Variants in NPAS3 observed in about 807,000 individuals in gnomAD.
NPAS3 encodes neuronal PAS domain protein 3.
A neutral mutation model predicts 73.1 loss-of-function variants in NPAS3; 14 were observed. The observed-to-expected ratio is 0.19, with a 90% confidence interval of 0.13 to 0.30. NPAS3 has a LOEUF of 0.30. Ranked by LOEUF, NPAS3 falls within the 10% of genes least tolerant of loss-of-function variation. The pLI, the probability that NPAS3 is intolerant of heterozygous loss-of-function variation, is 1.00. For missense variants in NPAS3, 1,096 were observed against 1,250.0 expected, an observed-to-expected ratio of 0.88 and a Z score of 1.86; for synonymous variants, 620 against 541.5, an observed-to-expected ratio of 1.14 and a Z score of -2.01.
At chr14:33,609,970 C>A (rs1237020894) in intron 5 of NPAS3, among the ~76,000 whole-genome samples, 1 of 151,876 alleles carries the variant, frequency 6.6e-6, no homozygotes, top group Non-Finnish European at 1.5e-5. Flanking sequence ...TGTAGTGTTA[C>A]CTAAAGAGAA....
intron 3 of NPAS3, among the ~76,000 whole-genome samples, chr14:33,239,704 T>C (rs2048156255): frequency 6.6e-6 from 1 of 151,920 alleles, no homozygotes; most frequent in Non-Finnish European, 1.5e-5. Context: ...ATAAACATTA[T>C]AGCTGCATTT....
intron 2 of NPAS3, among the ~76,000 whole-genome samples, chr14:33,103,961 A>G (rs2042649445): frequency 6.6e-6 from 1 of 152,156 alleles, no homozygotes. Context: ...GAAAAATACA[A>G]CTTCCAGAAT....
At chr14:33,573,021 C>CA (rs1172844613) in intron 5 of NPAS3, among the ~76,000 whole-genome samples, 3,169 of 60,922 alleles carry the variant, frequency 0.052, 205 homozygotes, top group East Asian at 0.24. Flanking sequence ...GACTTCTTCT[C>CA]AAAAAAAAAA....
chr14:33,619,387 A>C (rs977610418), intron 5 of NPAS3, among the ~76,000 whole-genome samples: 1 of 152,144 alleles, frequency 6.6e-6, no homozygotes, highest in African/African-American at 2.4e-5. Context: ...AGGTTAGCCC[A>C]TTATTGCTTG....
chr14:33,488,233 A>G (rs2051708816), intron 4 of NPAS3, among the ~76,000 whole-genome samples: 1 of 152,046 alleles, frequency 6.6e-6, no homozygotes, highest in Non-Finnish European at 1.5e-5. Context: ...AAGAGATGCT[A>G]GAGGTTTTAG....
At chr14:33,083,350 C>G (rs868369126) in intron 2 of NPAS3, among the ~76,000 whole-genome samples, 5 of 152,064 alleles carry the variant, frequency 3.3e-5, no homozygotes, top group Middle Eastern at 6.8e-3. Context: ...TCCAACTGGA[C>G]CTTATTATGA....
rs540458763 is a variant in NPAS3 at position 33,410,952 on chromosome 14, T to C, written c.468+43684T>C. Among the ~76,000 whole-genome samples the C allele has an allele frequency of 3.3e-5, 5 of 152,086 alleles. No homozygotes were observed. The South Asian group carries it at 8.3e-4, about 25-fold the overall frequency. The stretch of plus-strand genomic sequence containing the variant: ...TGAGCCACCGCATCCAGCTGAATAG[T>C]TGGTATTTTTATTCTAACTCTGCTC... On this transcript the variant is annotated intron_variant, in intron 4 of 11. Transcript: ENST00000356141.
chr14:33,538,880 CA>C (rs1396850837), intron 4 of NPAS3, among the ~76,000 whole-genome samples: 1 of 152,216 alleles, frequency 6.6e-6, no homozygotes, highest in Admixed American at 6.5e-5. Context: ...CCACCCCCAA[CA>C]TTCTATAATT....
chr14:33,104,673 G>T (rs2042670142), intron 2 of NPAS3, among the ~76,000 whole-genome samples: 1 of 152,162 alleles, frequency 6.6e-6, no homozygotes. Flanking sequence ...TTTTGTTTCT[G>T]AGAGGAAGCA....
At chr14:33,313,810 G>A (rs753812359) in intron 3 of NPAS3, among the ~76,000 whole-genome samples, 2 of 151,972 alleles carry the variant, frequency 1.3e-5, no homozygotes, top group Admixed American at 6.6e-5. Flanking sequence ...TTGGGATTTC[G>A]AAAATAGCAA....
At chr14:33,530,533 AT>A (rs1458662723) in intron 4 of NPAS3, among the ~76,000 whole-genome samples, 1 of 152,064 alleles carries the variant, frequency 6.6e-6, no homozygotes, top group Non-Finnish European at 1.5e-5. Context: ...TGTATTTCAA[AT>A]TTGCAAGTTG....
At chr14:33,212,078 T>A (rs1258648691) in intron 2 of NPAS3, among the ~76,000 whole-genome samples, 2 of 152,236 alleles carry the variant, frequency 1.3e-5, no homozygotes, top group South Asian at 4.1e-4. Context: ...GGTTTTAATA[T>A]AGTTCTTAAT....
At chr14:33,226,659 C>T (rs1382396586) in intron 3 of NPAS3, among the ~76,000 whole-genome samples, 2 of 152,126 alleles carry the variant, frequency 1.3e-5, no homozygotes, top group African/African-American at 2.4e-5. Flanking sequence ...TGCTGTTGCC[C>T]ATTGGGAGCA....
In NPAS3 at chr14:33,797,451, C is replaced by T; in HGVS notation, c.1302-6C>T. The stretch of plus-strand genomic sequence containing the variant: ...TGCACTCCTGACCAGTGCCTCCCTT[C>T]CACAGCAATCCTGAGTACAAGGACA... On this transcript the variant is annotated splice_polypyrimidine_tract_variant and splice_region_variant and intron_variant, in intron 10 of 11. Coordinates refer to ENST00000356141, the Ensembl canonical transcript of NPAS3. 1 of 1,614,032 alleles carries T rather than the reference C, an allele frequency of 6.2e-7. No individual in the cohort carries two copies. The highest frequency in any genetic ancestry group is 8.5e-7 in the Non-Finnish European group (1 of 1,179,946).
chr14:33,702,336 ATCATTTTCAG>A (rs1270058378), intron 6 of NPAS3, among the ~76,000 whole-genome samples: 5 of 152,206 alleles, frequency 3.3e-5, no homozygotes, highest in South Asian at 2.1e-4. Context: ...ACATACTCCT[ATCATTTTCAG>A]TCATTTTCAG....
At chr14:33,069,743 CA>C (rs2041417583) in intron 2 of NPAS3, among the ~76,000 whole-genome samples, 2 of 152,132 alleles carry the variant, frequency 1.3e-5, no homozygotes, top group Admixed American at 1.3e-4. Flanking sequence ...ACTACTAACT[CA>C]AAAAAGTTAG....
chr14:33,229,255 A>G (rs1386671978), intron 3 of NPAS3, among the ~76,000 whole-genome samples: 1 of 152,254 alleles, frequency 6.6e-6, no homozygotes, highest in East Asian at 1.9e-4. Flanking sequence ...CTCTTTTAGT[A>G]TCTTCTCTCT....
chr14:33,603,510 G>T (rs1352340228), intron 5 of NPAS3, among the ~76,000 whole-genome samples: 3 of 152,004 alleles, frequency 2.0e-5, no homozygotes, highest in African/African-American at 7.3e-5. Flanking sequence ...ACAAAAACAG[G>T]AAGAAAACCA....
chr14:33,552,453 T>C (rs1320812040), intron 4 of NPAS3, among the ~76,000 whole-genome samples: 3 of 152,186 alleles, frequency 2.0e-5, no homozygotes, highest in Non-Finnish European at 4.4e-5. Flanking sequence ...TAACAAATGT[T>C]TGCTTCCTTT....
Sources: gnomAD v4.1 joint callset for allele counts (sites outside exome capture counted in the v4.1 genomes callset) on GRCh38, gnomAD v4.1.1 for gene constraint, MANE v1.5 for transcripts, NCBI Gene and HGNC (gene_info 2026-07-23, HGNC 2026-07-21) for gene names.